The following HS3ST1 variants were observed in gnomAD, a reference collection of about 807,000 sequenced individuals.
HS3ST1 encodes heparan sulfate glucosamine 3-O-sulfotransferase 1.
In HS3ST1, 8 loss-of-function variants were observed where a neutral mutation model predicts 20.7. That is an observed-to-expected ratio of 0.39 (90% CI 0.23 to 0.70). The LOEUF (loss-of-function observed/expected upper bound fraction) is 0.70. Ranked by LOEUF, HS3ST1 falls within the 30% of genes least tolerant of loss-of-function variation. The probability of loss-of-function intolerance (pLI) is 0.46; values close to 1 mark genes in which losing one functional copy is unlikely to be tolerated. For missense variants in HS3ST1, 436 were observed against 423.4 expected (o/e 1.03, Z -0.26); for synonymous variants, 205 against 190.4 (o/e 1.08, Z -0.63).
At position 11,396,444 on chromosome 4, in the gene HS3ST1, A is replaced by G. The variant is rs986201540; in HGVS notation, c.*2638T>C. The G allele has an allele frequency of 6.6e-6, 1 of 152,262 alleles. No individual in the cohort carries two copies. The allele number at this position is 152,262 out of a possible 1,614,324, so 9.4% of individuals were successfully genotyped here. A position where few individuals can be genotyped will look rare whatever the true frequency, so the allele number is the denominator to read the frequency against. ...GCTCCCGGGCCGGGGTGGTCTGGAC[A>G]GGAGACCCACCCCTTCCACTGACAC... On this transcript the variant is annotated 3_prime_UTR_variant, in exon 2 of 2. Coordinates refer to ENST00000002596, the MANE Select transcript of HS3ST1 (RefSeq NM_005114.4).
At chr4:11,413,613 C>G (rs762541265) in intron 1 of HS3ST1, among the ~76,000 whole-genome samples, 1 of 152,072 alleles carries the variant, frequency 6.6e-6, no homozygotes, top group Admixed American at 6.5e-5. Flanking sequence ...CACCCTGTCT[C>G]TTCCCTCAAA....
intron 1 of HS3ST1, among the ~76,000 whole-genome samples, chr4:11,401,994 G>A (rs376011317): frequency 2.6e-5 from 4 of 152,218 alleles, no homozygotes; most frequent in Non-Finnish European, 1.5e-5. Context: ...TAAGGGAAGC[G>A]TAAGAGACAG....
chr4:11,419,521 T>G (rs1010144548), intron 1 of HS3ST1, among the ~76,000 whole-genome samples: 1 of 152,046 alleles, frequency 6.6e-6, no homozygotes, highest in Admixed American at 6.6e-5. Context: ...AAATAGCTGA[T>G]GCATGCGGGG....
chr4:11,426,363 GC>G (rs60371655), intron 1 of HS3ST1, among the ~76,000 whole-genome samples: 3,420 of 145,972 alleles, frequency 0.023, 57 homozygotes, highest in South Asian at 0.036. Context: ...CCCTTCAGAG[GC>G]CCCCCCCCCA....
upstream of HS3ST1, among the ~76,000 whole-genome samples, chr4:11,433,886 T>C (rs1711521021): frequency 2.6e-5 from 4 of 152,238 alleles, no homozygotes; most frequent in Admixed American, 2.6e-4. Flanking sequence ...CCTAGTTCCA[T>C]TTGTAATAGA....
intron 1 of HS3ST1, among the ~76,000 whole-genome samples, chr4:11,408,897 G>A (rs1330463905): frequency 6.6e-6 from 1 of 152,228 alleles, no homozygotes; most frequent in East Asian, 1.9e-4. Context: ...CTTAGCTGAA[G>A]AAGCTCCCCT....
chr4:11,419,081 T>A (rs1718859064), intron 1 of HS3ST1, among the ~76,000 whole-genome samples: 1 of 151,950 alleles, frequency 6.6e-6, no homozygotes, highest in East Asian at 2.0e-4. Flanking sequence ...ACTGGACTTC[T>A]ATGCTCTTCA....
intron 1 of HS3ST1, among the ~76,000 whole-genome samples, chr4:11,404,049 A>G (rs1238724531): frequency 2.0e-5 from 3 of 152,050 alleles, no homozygotes; most frequent in Non-Finnish European, 4.4e-5. Flanking sequence ...ATCACTATAT[A>G]ATTTTTCTTT....
In HS3ST1 at chr4:11,399,955, T is replaced by C; in HGVS notation, c.51A>G (p.Leu17=). The C allele has an allele frequency of 1.9e-6, 3 of 1,559,766 alleles. No homozygotes were observed. Among genetic ancestry groups the C allele is most frequent in the Middle Eastern group, 3.4e-4 (2 of 5,954 alleles). ...CTAGCTCGGCGGGGCGGGAAGGCAC[T>C]AGCTGGGGCTGGGCCACCAGCAGCA... ...GAVLLVAQPQ[L]VPSRPAELGQ... The change falls in exon 2 of 2, where the codon CTA becomes CTG. Residue 17 remains leucine, a synonymous_variant. Transcript: ENST00000002596. This position sits in a 1 kb window ranked among gnomAD's most constrained non-coding sequence, Gnocchi z 5.1.
chr4:11,420,508 C>T (rs371575731), intron 1 of HS3ST1, among the ~76,000 whole-genome samples: 5 of 152,282 alleles, frequency 3.3e-5, no homozygotes, highest in South Asian at 4.1e-4. Flanking sequence ...CGCTGTGTGA[C>T]GCTAGTCTTT....
chr4:11,429,585 C>T (rs1478724648), upstream of HS3ST1: 1 of 140,330 alleles, frequency 7.1e-6, no homozygotes, highest in African/African-American at 2.7e-5. Context: ...ACTCCTTTTC[C>T]TTTGGTTTAG....
chr4:11,408,255 T>A (rs1034681132), intron 1 of HS3ST1, among the ~76,000 whole-genome samples: 1 of 152,060 alleles, frequency 6.6e-6, no homozygotes, highest in African/African-American at 2.4e-5. Context: ...GAGGATTAAA[T>A]AAAAAAGTAC....
chr4:11,416,863 G>A (rs1002647148), intron 1 of HS3ST1, among the ~76,000 whole-genome samples: 2 of 152,224 alleles, frequency 1.3e-5, no homozygotes, highest in Non-Finnish European at 2.9e-5. Context: ...ACTATGGAGA[G>A]GGAGCAGTGT....
In HS3ST1 at chr4:11,399,873, C is replaced by T. The variant is rs1344305182; in HGVS notation, c.133G>A (p.Val45Met). ...GTLQDDVRDG[V>M]APNGSAQQLP... Reference sequence around the variant, plus strand: ...TGCTGGGCAGAGCCGTTTGGGGCCACGCCATCGCGGACGTCATCCTGGAGG... The same window carrying T: ...TGCTGGGCAGAGCCGTTTGGGGCCATGCCATCGCGGACGTCATCCTGGAGG... Residue 45 changes from valine to methionine, a missense_variant, in exon 2 of 2, where the codon GTG becomes ATG. Val to Met is a conservative substitution (Grantham distance 21). Transcript: ENST00000002596. The surrounding 1 kb of genome is among the most constrained non-coding windows in gnomAD (Gnocchi z 5.1). 8 of 1,612,116 alleles carry T rather than the reference C, an allele frequency of 5.0e-6. No individual in the cohort carries two copies. The highest frequency in any genetic ancestry group is 6.8e-6 in the Non-Finnish European group (8 of 1,179,804).
chr4:11,403,036 TAGAG>T (rs960719547), intron 1 of HS3ST1, among the ~76,000 whole-genome samples: 9 of 152,204 alleles, frequency 5.9e-5, no homozygotes, highest in African/African-American at 1.9e-4. Flanking sequence ...TTGAGGCTAA[TAGAG>T]AAAGAAATTA....
rs1718281318 is a variant in HS3ST1, at chr4:11,400,058, C to T, written c.-53G>A. ...CCGCGCGCCGCTGGGTCATGAAGTG[C>T]CGCAGCAGGGAAGCCTCCTAGTCAG... On this transcript the variant is annotated 5_prime_UTR_variant, in exon 2 of 2. Transcript: ENST00000002596. 5 of 1,438,442 alleles carry T rather than the reference C, an allele frequency of 3.5e-6. No homozygotes were observed. The Admixed American group carries it at 1.4e-4, about 40-fold the overall frequency. The allele number at this position is 1,438,442 out of a possible 1,614,324, so 89.1% of individuals were successfully genotyped here.
chr4:11,412,834 G>T (rs1718673413), intron 1 of HS3ST1, among the ~76,000 whole-genome samples: 1 of 152,200 alleles, frequency 6.6e-6, no homozygotes, highest in Non-Finnish European at 1.5e-5. Flanking sequence ...CTGAATGTTT[G>T]TGTCCTTACA....
At chr4:11,433,150 A>T (rs182766573), upstream of HS3ST1, among the ~76,000 whole-genome samples, 2 of 152,310 alleles carry the variant, frequency 1.3e-5, no homozygotes, top group Admixed American at 6.5e-5. Flanking sequence ...TTATTTAAAT[A>T]TCTTCTTTAA....
Position 11,397,618 on chromosome 4 carries a change from G to A in HS3ST1, c.*1464C>T, listed in dbSNP as rs1032529482. The A allele has an allele frequency of 6.6e-6, 1 of 152,180 alleles. No homozygotes were observed. Among genetic ancestry groups the A allele is most frequent in the Admixed American group, 6.5e-5 (1 of 15,278 alleles). 9.4% of individuals were successfully genotyped at this position (152,180 alleles called of 1,614,324 possible). ...CTCTAAGCCTGAGTTTATAGTCAAT[G>A]TGACCTTGGGCAAGTTTCTCATGTT... On this transcript the variant is annotated 3_prime_UTR_variant, in exon 2 of 2. Coordinates refer to ENST00000002596, the MANE Select transcript of HS3ST1 (RefSeq NM_005114.4).
Sources: gnomAD v4.1 joint callset for allele counts (sites outside exome capture counted in the v4.1 genomes callset) on GRCh38, gnomAD v4.1.1 for gene constraint, Gnocchi (gnomAD v3.1) non-coding constraint, MANE v1.5 for transcripts, NCBI Gene and HGNC (gene_info 2026-07-23, HGNC 2026-07-21) for gene names.